The following HCN4 variants were observed in gnomAD, a reference collection of about 807,000 sequenced individuals.
HCN4 encodes the protein potassium/sodium hyperpolarization-activated cyclic nucleotide-gated channel 4.
A neutral mutation model predicts 76.9 loss-of-function variants in HCN4; 29 were observed. That is an observed-to-expected ratio of 0.38 (90% CI 0.28 to 0.51). The LOEUF (loss-of-function observed/expected upper bound fraction) is 0.51. Among genes scored for constraint, HCN4 ranks in the 20% least tolerant of loss-of-function variants. The pLI is 0.90. For synonymous variants in HCN4, 772 were observed against 762.5 expected (o/e 1.01, Z -0.21); for missense variants, 1,416 against 1,715.2 (o/e 0.83, Z 3.08).
intron 6 of HCN4, among the ~76,000 whole-genome samples, 175 bp downstream of exon 6, chr15:73,324,780 G>A (rs185184990): frequency 5.5e-4 from 83 of 152,266 alleles, no homozygotes; most frequent in African/African-American, 1.9e-3. Flanking sequence ...CCCAGTCTGC[G>A]GCACTTTTGT....
chr15:73,359,439 G>C (rs1282999436), intron 1 of HCN4, among the ~76,000 whole-genome samples: 3 of 152,172 alleles, frequency 2.0e-5, no homozygotes, highest in African/African-American at 7.2e-5. Context: ...TTACCTCCCA[G>C]AGAGGACCAG....
Position 73,322,032 on chromosome 15 carries a change from T to G in HCN4, c.*449A>C. ...TCCCAAGGTCGCAGGCTTCTGAGGC[T>G]CCCCAGGGCACACCCCAGGGCAGCC... On this transcript the variant is annotated 3_prime_UTR_variant, in exon 8 of 8. Transcript: ENST00000261917. 5.1e-6 allele frequency: 1 copy of G among 194,780 alleles called. No homozygotes were observed. Among genetic ancestry groups the G allele is most frequent in the Non-Finnish European group, 1.1e-5 (1 of 94,254 alleles). The allele number at this position is 194,780 out of a possible 1,614,324, so 12.1% of individuals were successfully genotyped here.
intron 4 of HCN4, among the ~76,000 whole-genome samples, chr15:73,327,304 T>A (rs1281593810): frequency 1.3e-5 from 2 of 151,864 alleles, no homozygotes; most frequent in Non-Finnish European, 2.9e-5. Flanking sequence ...AGGGATGAAG[T>A]TTCACCATGT....
At chr15:73,364,157 G>A (rs1033324869) in intron 1 of HCN4, among the ~76,000 whole-genome samples, 4 of 152,150 alleles carry the variant, frequency 2.6e-5, no homozygotes, top group African/African-American at 9.7e-5. Context: ...ACAGGGGGAT[G>A]AGAAAGGCCA....
At chr15:73,326,284 G>A (rs2042898830) in intron 4 of HCN4, among the ~76,000 whole-genome samples, 1 of 152,190 alleles carries the variant, frequency 6.6e-6, no homozygotes, top group Non-Finnish European at 1.5e-5. Flanking sequence ...CAGAAACGGG[G>A]CAGCCTGTTT....
intron 2 of HCN4, among the ~76,000 whole-genome samples, chr15:73,335,868 C>G (rs529674896): frequency 6.6e-6 from 1 of 152,106 alleles, no homozygotes; most frequent in African/African-American, 2.4e-5. Context: ...TCCTGGGTCT[C>G]GGGGCAGTAC....
chr15:73,323,243 T>TC lies in HCN4; in HGVS notation c.2849dup (p.Gly951ArgfsTer21). ...GGAAGTGCTCCGGGAGTCCCAGGCC[T>TC]CCCCGGGCCCCGGGTGGCGCGGGAG... is the stretch of plus-strand genomic sequence containing the variant. On this transcript the variant is annotated frameshift_variant, in exon 8 of 8. Coordinates refer to ENST00000261917, the MANE Select transcript of HCN4 (RefSeq NM_005477.3). LOFTEE classifies it high-confidence loss of function. 1.3e-6 allele frequency: 2 copies of TC among 1,525,088 alleles called. No individual in the cohort carries two copies. The highest frequency in any genetic ancestry group is 1.8e-6 in the Non-Finnish European group (2 of 1,137,034). The allele number at this position is 1,525,088 out of a possible 1,614,324, so 94.5% of individuals were successfully genotyped here. A position where few individuals can be genotyped will look rare whatever the true frequency, so the allele number is the denominator to read the frequency against.
chr15:73,344,241 G>A (rs567026763), intron 1 of HCN4, among the ~76,000 whole-genome samples: 3 of 152,298 alleles, frequency 2.0e-5, no homozygotes, highest in East Asian at 3.9e-4. Flanking sequence ...GGGCTGTCAG[G>A]GAGACATTCC....
At chr15:73,329,360 GA>G (rs1395996769) in intron 4 of HCN4, among the ~76,000 whole-genome samples, 2 of 152,150 alleles carry the variant, frequency 1.3e-5, no homozygotes. Context: ...GGTGGGAACA[GA>G]AAAAAAGACA....
At chr15:73,326,769 T>TTTTA (rs745348390) in intron 4 of HCN4, among the ~76,000 whole-genome samples, 266 of 151,154 alleles carry the variant, frequency 1.8e-3, no homozygotes, top group African/African-American at 4.6e-3. Flanking sequence ...CTTTTTTTCT[T>TTTTA]TTTATTTATT....
intron 1 of HCN4, among the ~76,000 whole-genome samples, chr15:73,352,566 A>T (rs1056654981): frequency 6.6e-6 from 1 of 152,176 alleles, no homozygotes; most frequent in South Asian, 2.1e-4. Context: ...GATGAGAGAG[A>T]GCTGGTCGGG....
At position 73,322,371 on chromosome 15, in the gene HCN4, G is replaced by GT. The variant is rs1389533421; in HGVS notation, c.*109dup. On this transcript the variant is annotated 3_prime_UTR_variant, in exon 8 of 8. Transcript: ENST00000261917. ...GTCTTTTGTTTTTCTGGTGTGTGTG[G>GT]TTTTTTAAATAATTATTACTGTTAT... 11 of 943,858 alleles carry GT rather than the reference G, an allele frequency of 1.2e-5. No homozygotes were observed. In the East Asian group the frequency reaches 1.9e-4, roughly 16 times the overall value. 58.5% of individuals were successfully genotyped at this position (943,858 alleles called of 1,614,324 possible). A position where few individuals can be genotyped will look rare whatever the true frequency, so the allele number is the denominator to read the frequency against.
chr15:73,324,956 T>C lies in HCN4; in HGVS notation c.1977A>G (p.Gly659=). Residue 659 remains glycine, a splice_region_variant and synonymous_variant, in exon 6 of 8, where the codon GGA becomes GGG. Transcript: ENST00000261917. ...CCCCAGGGCCCAGGGCTGCCTCACC[T>C]CCAAAGTAGGAGCCGTCGGCCAGCT... ...ETKLADGSYF[G]EICLLTRGRR... 6.2e-7 allele frequency: 1 copy of C among 1,613,936 alleles called. No individual in the cohort carries two copies. The highest frequency in any genetic ancestry group is 8.5e-7 in the Non-Finnish European group (1 of 1,179,978).
intron 4 of HCN4, among the ~76,000 whole-genome samples, chr15:73,326,873 A>G (rs2042903393): frequency 6.6e-6 from 1 of 150,818 alleles, no homozygotes; most frequent in South Asian, 2.1e-4. Flanking sequence ...TGCAGCCTCA[A>G]CCTCCTGGGC....
At position 73,367,139 on chromosome 15, in the gene HCN4, G is replaced by A. The variant is rs933551029; in HGVS notation, c.785+347C>T. ...AATGACCCGGAGCTGCCTCTAGGAT[G>A]GCCATCCTGACTCTGCAGCCTTGAA... On this transcript the variant is annotated intron_variant, in intron 1 of 7. Transcript: ENST00000261917. The surrounding 1 kb of genome is among the most constrained non-coding windows in gnomAD (Gnocchi z 7.5). 1.3e-5 allele frequency among the ~76,000 whole-genome samples: 2 copies of A among 152,184 alleles called. No homozygotes were observed. Among genetic ancestry groups the A allele is most frequent in the Non-Finnish European group, 2.9e-5 (2 of 68,020 alleles).
rs534851468 is a variant in HCN4, at chr15:73,356,241, T to C, written c.785+11245A>G. On this transcript the variant is annotated intron_variant, in intron 1 of 7. Coordinates refer to ENST00000261917, the MANE Select transcript of HCN4 (RefSeq NM_005477.3). ...TCACTCTGTAGCCCAGGCTGGAGTG[T>C]GGTGGTGCAATCTTGGCTCACTGCA... is the stretch of plus-strand genomic sequence containing the variant. 7.2e-3 allele frequency among the ~76,000 whole-genome samples: 1,072 copies of C among 149,834 alleles called. 8 individuals are homozygous for C. Among genetic ancestry groups the C allele is most frequent in the Non-Finnish European group, 0.011 (759 of 67,494 alleles).
intron 1 of HCN4, among the ~76,000 whole-genome samples, chr15:73,362,182 T>A (rs1434152546): frequency 1.3e-5 from 2 of 152,072 alleles, no homozygotes; most frequent in African/African-American, 2.4e-5. Flanking sequence ...GAATCCCACA[T>A]CCCCACACTG....
chr15:73,346,078 C>T (rs1296428670), intron 1 of HCN4, among the ~76,000 whole-genome samples: 1 of 152,242 alleles, frequency 6.6e-6, no homozygotes, highest in Admixed American at 6.5e-5. Context: ...TGGTTTCAAT[C>T]TTGAGCTTCC....
rs115872939 is a variant in HCN4, at chr15:73,338,462, C to T, written c.1209+4923G>A. On this transcript the variant is annotated intron_variant, in intron 2 of 7. Coordinates refer to ENST00000261917, the MANE Select transcript of HCN4 (RefSeq NM_005477.3). ...GACAGAGCCACTGCCTTTTCCACCC[C>T]GAGCCTCAGTTTCCTCATCTGTGGA... Among the ~76,000 whole-genome samples the T allele has an allele frequency of 3.0e-3, 450 of 152,320 alleles. 5 individuals carry two copies. Among genetic ancestry groups the T allele is most frequent in the African/African-American group, 9.5e-3 (394 of 41,566 alleles).
Sources: gnomAD v4.1 joint callset for allele counts (sites outside exome capture counted in the v4.1 genomes callset) on GRCh38, gnomAD v4.1.1 for gene constraint, Gnocchi (gnomAD v3.1) non-coding constraint, MANE v1.5 for transcripts, NCBI Gene and HGNC (gene_info 2026-07-23, HGNC 2026-07-21) for gene names.